Variants in TMEM45A observed in about 807,000 individuals in gnomAD.
TMEM45A encodes the protein transmembrane protein 45A.
TMEM45A carries 25 observed loss-of-function variants against 32.0 expected under a neutral mutation model. The ratio of observed to expected loss-of-function variants is 0.78; its 90% CI spans 0.57 to 1.09. The LOEUF (loss-of-function observed/expected upper bound fraction) is 1.09. Ranked by LOEUF, TMEM45A falls within the 50% of genes least tolerant of loss-of-function variation. The pLI is 0.00. For synonymous variants in TMEM45A, 122 were observed against 114.8 expected (o/e 1.06, Z -0.40); for missense variants, 302 against 325.0 (o/e 0.93, Z 0.54).
At chr3:100,514,199 G>A (rs1708219921) in intron 1 of TMEM45A, among the ~76,000 whole-genome samples, 1 of 152,150 alleles carries the variant, frequency 6.6e-6, no homozygotes, top group African/African-American at 2.4e-5. Flanking sequence ...CAAAGCTGGA[G>A]GCATCATGCT....
At chr3:100,512,174 T>A (rs1444001600) in intron 1 of TMEM45A, among the ~76,000 whole-genome samples, 1 of 152,068 alleles carries the variant, frequency 6.6e-6, no homozygotes, top group Non-Finnish European at 1.5e-5. Context: ...AATATACATT[T>A]TTTTCAGCAC....
At chr3:100,538,621 C>T (rs999834481) in intron 1 of TMEM45A, among the ~76,000 whole-genome samples, 1 of 152,142 alleles carries the variant, frequency 6.6e-6, no homozygotes, top group Non-Finnish European at 1.5e-5. Flanking sequence ...AAAGAAAACT[C>T]TCTTTGTTCA....
chr3:100,499,602 T>C (rs1707982939), intron 1 of TMEM45A, among the ~76,000 whole-genome samples: 1 of 152,206 alleles, frequency 6.6e-6, no homozygotes, highest in African/African-American at 2.4e-5. Flanking sequence ...TTGGATCAGG[T>C]GCAGTGGCTC....
At chr3:100,502,089 C>T (rs939375036) in intron 1 of TMEM45A, among the ~76,000 whole-genome samples, 1 of 152,156 alleles carries the variant, frequency 6.6e-6, no homozygotes, top group Non-Finnish European at 1.5e-5. Flanking sequence ...TAACTACTCT[C>T]ATAAAATTCA....
chr3:100,568,394 G>A (rs754958106), intron 4 of TMEM45A, among the ~76,000 whole-genome samples: 1 of 152,152 alleles, frequency 6.6e-6, no homozygotes, highest in Admixed American at 6.5e-5. Context: ...TGTGAAAGCA[G>A]ACATCCATGT....
intron 1 of TMEM45A, among the ~76,000 whole-genome samples, chr3:100,493,358 A>C (rs2148919412): frequency 6.6e-6 from 1 of 152,186 alleles, no homozygotes; most frequent in South Asian, 2.1e-4. Flanking sequence ...TTTCAGAATT[A>C]ACACGTTTGC....
At chr3:100,554,177 T>C (rs79410916) in intron 1 of TMEM45A, among the ~76,000 whole-genome samples, 2 of 151,494 alleles carry the variant, frequency 1.3e-5, no homozygotes, top group South Asian at 4.2e-4. Context: ...CATAATTCTT[T>C]TTTTTTTTTT....
chr3:100,535,462 G>C (rs530311905), intron 1 of TMEM45A, among the ~76,000 whole-genome samples: 7 of 152,164 alleles, frequency 4.6e-5, no homozygotes, highest in Non-Finnish European at 5.9e-5. Flanking sequence ...AGTCAAAATT[G>C]CACAATGTTT....
chr3:100,535,809 A>G (rs1233244652), intron 1 of TMEM45A, among the ~76,000 whole-genome samples: 1 of 152,186 alleles, frequency 6.6e-6, no homozygotes. Context: ...ATTTTTTCCA[A>G]ATGATGTTCT....
chr3:100,545,434 A>G (rs541460799), intron 1 of TMEM45A, among the ~76,000 whole-genome samples: 1 of 152,262 alleles, frequency 6.6e-6, no homozygotes, highest in Non-Finnish European at 1.5e-5. Context: ...CCAGCTTCTC[A>G]TATGTGTATA....
Position 100,555,257 on chromosome 3 carries a change from A to G in TMEM45A, c.46A>G (p.Ile16Val), listed in dbSNP as rs769038680. The change falls in exon 2 of 6, where the codon ATT (isoleucine) becomes GTT (valine). Residue 16 changes from isoleucine (I) to valine (V), a missense_variant. Ile to Val is a conservative substitution (Grantham distance 29). Coordinates refer to ENST00000323523, the MANE Select transcript of TMEM45A (RefSeq NM_018004.3). ...GHALPGTFFF[I>V]IGLWWCTKSI... ...TGCCCTCCCTGGAACCTTCTTTTTT[A>G]TTATTGGTCTTTGGTGGTGTACAAA... The G allele has an allele frequency of 1.9e-6, 3 of 1,611,114 alleles. No individual in the cohort carries two copies. Among genetic ancestry groups the G allele is most frequent in the African/African-American group, 1.3e-5 (1 of 74,740 alleles).
chr3:100,525,814 C>G (rs977486612), intron 1 of TMEM45A, among the ~76,000 whole-genome samples: 1 of 152,180 alleles, frequency 6.6e-6, no homozygotes, highest in Non-Finnish European at 1.5e-5. Flanking sequence ...ACAGGCAGGA[C>G]AGGCATGTGC....
rs560816227 is a variant in TMEM45A at position 100,505,455 on chromosome 3, A to G, written c.-4+12527A>G. On this transcript the variant is annotated intron_variant, in intron 1 of 5. Transcript: ENST00000323523. ...CTAATTAATTGCCATGGCAATGGCA[A>G]CAATTCTCACATTTTAGTGGCAGGA... Among the ~76,000 whole-genome samples the G allele has an allele frequency of 5.9e-5, 9 of 152,330 alleles. No individual in the cohort carries two copies. In the East Asian group the frequency reaches 1.5e-3, roughly 26 times the overall value.
chr3:100,565,021 T>C (rs1342415843), intron 4 of TMEM45A, among the ~76,000 whole-genome samples: 2 of 152,210 alleles, frequency 1.3e-5, no homozygotes, highest in Non-Finnish European at 2.9e-5. Flanking sequence ...AAAGGCTGTA[T>C]GGTGAAAAGA....
intron 4 of TMEM45A, 120 bp from the exon 5 acceptor site, chr3:100,568,702 T>G (rs1372213096): frequency 6.9e-6 from 6 of 871,346 alleles, no homozygotes; most frequent in Non-Finnish European, 1.0e-5. Flanking sequence ...TTTTATCTGT[T>G]ACATCTTAGA....
intron 1 of TMEM45A, among the ~76,000 whole-genome samples, chr3:100,511,026 G>A (rs1334438473): frequency 6.6e-6 from 1 of 152,218 alleles, no homozygotes; most frequent in Non-Finnish European, 1.5e-5. Context: ...CAGGGAGAAT[G>A]GAACCAAGTT....
chr3:100,539,457 A>ATATGTG (rs1705811446), intron 1 of TMEM45A, among the ~76,000 whole-genome samples: 2 of 126,850 alleles, frequency 1.6e-5, no homozygotes, highest in African/African-American at 3.0e-5. Flanking sequence ...ATGTATATGT[A>ATATGTG]TATGTATATG....
At chr3:100,566,875 T>C (rs1706452077) in intron 4 of TMEM45A, among the ~76,000 whole-genome samples, 1 of 152,160 alleles carries the variant, frequency 6.6e-6, no homozygotes, top group Non-Finnish European at 1.5e-5. Flanking sequence ...TCTTTTTATA[T>C]TCTAGATATA....
At chr3:100,505,216 G>A (rs1243461457) in intron 1 of TMEM45A, among the ~76,000 whole-genome samples, 1 of 152,184 alleles carries the variant, frequency 6.6e-6, no homozygotes, top group Admixed American at 6.5e-5. Flanking sequence ...AGGCACCCGG[G>A]AGAGACACCC....
Sources: allele counts gnomAD v4.1 joint callset (sites outside exome capture counted in the v4.1 genomes callset), GRCh38; gene constraint gnomAD v4.1.1; transcripts MANE v1.5; gene names NCBI Gene and HGNC (gene_info 2026-07-23, HGNC 2026-07-21).